The following KCNIP1 variants were observed in gnomAD, a reference collection of about 807,000 sequenced individuals.
The protein encoded by KCNIP1 is A-type potassium channel modulatory protein KCNIP1.
A neutral mutation model predicts 33.0 loss-of-function variants in KCNIP1; 18 were observed. The ratio of observed to expected loss-of-function variants is 0.55; its 90% CI spans 0.38 to 0.81. The LOEUF is 0.81. KCNIP1 is among the 30% of genes least tolerant of loss of function. The pLI is 0.00. For missense variants in KCNIP1, 238 were observed against 271.6 expected, an observed-to-expected ratio of 0.88 and a Z score of 0.87; for synonymous variants, 93 against 98.3, an observed-to-expected ratio of 0.95 and a Z score of 0.32.
rs1335984160 is a variant in KCNIP1, at chr5:170,489,865, T to C, written c.88+135901T>C. On this transcript the variant is annotated intron_variant, in intron 1 of 7. Transcript: ENST00000377360. This position sits in a 1 kb window ranked among gnomAD's most constrained non-coding sequence, Gnocchi z 4.3. ...TGGAGAACTGAGGGTCTCCCCCAGG[T>C]CTGCCCTCCAACTGCCCCAAGCCCC... Among the ~76,000 whole-genome samples, 1 of 152,148 alleles carries C rather than the reference T, an allele frequency of 6.6e-6. No individual in the cohort carries two copies. Among genetic ancestry groups the C allele is most frequent in the Non-Finnish European group, 1.5e-5 (1 of 68,014 alleles).
intron 1 of KCNIP1, among the ~76,000 whole-genome samples, chr5:170,584,537 C>T (rs1275455625): frequency 6.6e-6 from 1 of 152,102 alleles, no homozygotes; most frequent in Non-Finnish European, 1.5e-5. Flanking sequence ...GCATTTAACA[C>T]CAGGAATCTG....
intron 1 of KCNIP1, among the ~76,000 whole-genome samples, chr5:170,497,353 T>A (rs561369778): frequency 1.1e-3 from 168 of 152,306 alleles, no homozygotes; most frequent in Non-Finnish European, 1.9e-3. Flanking sequence ...ATTTTATAGA[T>A]GTTGAAACTG....
chr5:170,499,752 G>T (rs1337737375), upstream of KCNIP1, among the ~76,000 whole-genome samples: 1 of 152,168 alleles, frequency 6.6e-6, no homozygotes, highest in East Asian at 1.9e-4. Flanking sequence ...AAGGAGAGGG[G>T]GAGGGAGGGA....
intron 1 of KCNIP1, among the ~76,000 whole-genome samples, chr5:170,672,852 G>T (rs1282483680): frequency 6.6e-6 from 1 of 152,238 alleles, no homozygotes; most frequent in African/African-American, 2.4e-5. Context: ...TGTGATCTTT[G>T]CCTAGGCAAT....
intron 1 of KCNIP1, among the ~76,000 whole-genome samples, chr5:170,434,066 A>G (rs1003888694): frequency 6.6e-6 from 1 of 152,220 alleles, no homozygotes; most frequent in Non-Finnish European, 1.5e-5. Context: ...ACGCTTAAGA[A>G]AAGTGACCAA....
At chr5:170,613,261 G>C (rs141952819) in intron 1 of KCNIP1, among the ~76,000 whole-genome samples, 1 of 152,136 alleles carries the variant, frequency 6.6e-6, no homozygotes, top group Non-Finnish European at 1.5e-5. Context: ...TGTGTCCATC[G>C]CTCCATCCAT....
intron 1 of KCNIP1, among the ~76,000 whole-genome samples, chr5:170,509,207 G>A (rs1754834473): frequency 6.6e-6 from 1 of 152,156 alleles, no homozygotes; most frequent in Admixed American, 6.5e-5. Context: ...TACCGAATCT[G>A]TTTACCATTT....
intron 1 of KCNIP1, among the ~76,000 whole-genome samples, chr5:170,643,626 C>T (rs574698081): frequency 2.0e-5 from 3 of 152,350 alleles, no homozygotes; most frequent in Non-Finnish European, 2.9e-5. Flanking sequence ...AGAAGACAAA[C>T]TATCCACGGC....
intron 1 of KCNIP1, among the ~76,000 whole-genome samples, chr5:170,644,292 G>C (rs1052816709): frequency 3.3e-5 from 5 of 152,258 alleles, no homozygotes; most frequent in African/African-American, 1.2e-4. Flanking sequence ...CCCTCATAGA[G>C]TGGCCTGACA....
intron 1 of KCNIP1, among the ~76,000 whole-genome samples, chr5:170,364,150 G>A (rs113690287): frequency 0.13 from 20,314 of 151,862 alleles, 1,535 homozygotes; most frequent in Admixed American, 0.17. Flanking sequence ...ACAGGCGTGC[G>A]CCACCACCAC....
chr5:170,652,689 T>G (rs966429240), intron 1 of KCNIP1, among the ~76,000 whole-genome samples: 2 of 152,166 alleles, frequency 1.3e-5, no homozygotes, highest in Non-Finnish European at 2.9e-5. Context: ...GCCCAAGTGA[T>G]GTTCCATGTC....
At chr5:170,386,575 CAG>C (rs1160714271) in intron 1 of KCNIP1, among the ~76,000 whole-genome samples, 4 of 152,156 alleles carry the variant, frequency 2.6e-5, no homozygotes, top group Non-Finnish European at 5.9e-5. Context: ...TGCCCAGAAA[CAG>C]TTCTGTGGCA....
Position 170,598,889 on chromosome 5 carries a change from C to CTGTGTGTGTGCGCG in KCNIP1, c.61+94266_61+94267insCGCGTGTGTGTGTG, listed in dbSNP as rs1193319687. Reference sequence around the variant, plus strand: ...TGATGTGCTCGTTCCCATAGCCCCGCTGTGTGTGTGTGCGCGTGTGTGTGT... The same window carrying CTGTGTGTGTGCGCG: ...TGATGTGCTCGTTCCCATAGCCCCGCTGTGTGTGTGCGCGTGTGTGTGTGTGCGCGTGTGTGTGT... On this transcript the variant is annotated intron_variant, in intron 1 of 7. Transcript: ENST00000328939. 2.1e-3 allele frequency among the ~76,000 whole-genome samples: 294 copies of CTGTGTGTGTGCGCG among 141,836 alleles called. 3 individuals are homozygous for CTGTGTGTGTGCGCG. The highest frequency in any genetic ancestry group is 3.6e-3 in the Admixed American group (51 of 14,338). The allele number at this position is 141,836 out of a possible 152,430, so 93.0% of individuals were successfully genotyped here.
chr5:170,372,358 C>A (rs1467236810), intron 1 of KCNIP1, among the ~76,000 whole-genome samples: 3 of 152,112 alleles, frequency 2.0e-5, no homozygotes, highest in African/African-American at 7.2e-5. Context: ...CAGAAGCCCC[C>A]CAAACCCTAT....
chr5:170,545,112 CTTTAT>C (rs145587201), intron 1 of KCNIP1, among the ~76,000 whole-genome samples: 81 of 152,112 alleles, frequency 5.3e-4, no homozygotes, highest in East Asian at 4.4e-3. Context: ...CTGAAAATGT[CTTTAT>C]TTTGTTTCAT....
intron 1 of KCNIP1, among the ~76,000 whole-genome samples, chr5:170,553,325 A>G (rs1405220464): frequency 5.3e-5 from 8 of 152,274 alleles, no homozygotes; most frequent in South Asian, 2.1e-4. Flanking sequence ...CACCCTTACT[A>G]CTTTTCAATC....
chr5:170,593,734 G>A (rs528464181), intron 1 of KCNIP1, among the ~76,000 whole-genome samples: 51 of 152,262 alleles, frequency 3.3e-4, no homozygotes, highest in African/African-American at 1.1e-3. Context: ...GGGCTGGGGG[G>A]CCTCATCCCT....
chr5:170,475,724 C>G (rs1437747059), intron 1 of KCNIP1, among the ~76,000 whole-genome samples: 1 of 152,142 alleles, frequency 6.6e-6, no homozygotes, highest in East Asian at 1.9e-4. Context: ...AAAGCCAAAA[C>G]AGACTGATTA....
At chr5:170,535,072 AG>A (rs1405103547) in intron 1 of KCNIP1, among the ~76,000 whole-genome samples, 4 of 152,198 alleles carry the variant, frequency 2.6e-5, no homozygotes, top group Admixed American at 6.5e-5. Context: ...TGACTCAGCC[AG>A]TGGGCACAGC....
Sources: gnomAD v4.1 joint callset for allele counts (sites outside exome capture counted in the v4.1 genomes callset) on GRCh38, gnomAD v4.1.1 for gene constraint, Gnocchi (gnomAD v3.1) non-coding constraint, MANE v1.5 for transcripts, NCBI Gene and HGNC (gene_info 2026-07-23, HGNC 2026-07-21) for gene names.